The following WDR27 variants were observed in gnomAD, a reference collection of about 807,000 sequenced individuals.
The protein encoded by WDR27 is WD repeat-containing protein 27.
Under a neutral mutation model 114.4 loss-of-function variants are expected in WDR27, and 100 were observed. That is an observed-to-expected ratio of 0.87 (90% confidence interval 0.74 to 1.03). The LOEUF is 1.03. WDR27 is among the 50% of genes least tolerant of loss of function. The pLI is 0.00. For missense variants in WDR27, 1,129 were observed against 1,092.9 expected (o/e 1.03, Z -0.47); for synonymous variants, 449 against 423.1 (o/e 1.06, Z -0.75).
chr6:169,536,264 T>A (rs943531837), intron 25 of WDR27, among the ~76,000 whole-genome samples: 4 of 152,150 alleles, frequency 2.6e-5, no homozygotes, highest in African/African-American at 9.7e-5. Context: ...AAGGACCACA[T>A]CTGATATGAG....
chr6:169,577,173 C>T (rs1388953838), intron 24 of WDR27, among the ~76,000 whole-genome samples: 1 of 152,030 alleles, frequency 6.6e-6, no homozygotes, highest in Non-Finnish European at 1.5e-5. Flanking sequence ...AAAGACGCAC[C>T]AACTCGCCGG....
At chr6:169,520,482 G>T (rs891090113) in intron 25 of WDR27, among the ~76,000 whole-genome samples, 2 of 151,894 alleles carry the variant, frequency 1.3e-5, no homozygotes, top group African/African-American at 4.8e-5. Context: ...TCAATACAAA[G>T]ACACAGATGT....
At chr6:169,546,530 G>A (rs971965528) in intron 25 of WDR27, among the ~76,000 whole-genome samples, 4 of 152,128 alleles carry the variant, frequency 2.6e-5, no homozygotes, top group African/African-American at 9.7e-5. Flanking sequence ...CCTCAGACTT[G>A]CCTGGCCGCA....
chr6:169,531,096 T>C (rs1795539205), intron 25 of WDR27, among the ~76,000 whole-genome samples: 2 of 152,244 alleles, frequency 1.3e-5, no homozygotes, highest in South Asian at 4.1e-4. Flanking sequence ...CCTGTTCACC[T>C]GTTTTCATGG....
chr6:169,634,908 C>T (rs1256787271), intron 19 of WDR27, among the ~76,000 whole-genome samples: 1 of 152,176 alleles, frequency 6.6e-6, no homozygotes, highest in African/African-American at 2.4e-5. Flanking sequence ...CGAAACCCAA[C>T]TGAAGTGCCT....
intron 21 of WDR27, among the ~76,000 whole-genome samples, chr6:169,616,810 A>G (rs1412833730): frequency 1.3e-5 from 2 of 152,238 alleles, no homozygotes; most frequent in African/African-American, 4.8e-5. Context: ...ACACAATGCC[A>G]TAAAATTAGA....
At chr6:169,601,362 T>G (rs192508928) in intron 23 of WDR27, among the ~76,000 whole-genome samples, 1 of 152,324 alleles carries the variant, frequency 6.6e-6, no homozygotes, top group East Asian at 1.9e-4. Context: ...ATCAGATTCA[T>G]CAAATGAATC....
chr6:169,553,006 GTGTGTGTGTGTGTGTGTGTGTA>G (rs1363380256), intron 25 of WDR27, among the ~76,000 whole-genome samples: 5 of 122,252 alleles, frequency 4.1e-5, no homozygotes, highest in Admixed American at 8.2e-5. Flanking sequence ...GTGTGTGTGT[GTGTGTGTGTGTGTGTGTGTGTA>G]TGCAGGGAGG....
At chr6:169,626,875 C>T (rs1010183757) in intron 21 of WDR27, among the ~76,000 whole-genome samples, 9 of 152,208 alleles carry the variant, frequency 5.9e-5, no homozygotes, top group Non-Finnish European at 8.8e-5. Flanking sequence ...GAGGATGCCC[C>T]GCTGTGGACG....
chr6:169,598,755 T>C (rs1347735230), intron 23 of WDR27, among the ~76,000 whole-genome samples: 1 of 152,202 alleles, frequency 6.6e-6, no homozygotes, highest in African/African-American at 2.4e-5. Context: ...GGTTCCTCCC[T>C]TGGACCCTGC....
chr6:169,456,218 T>G (rs1338466074), downstream of WDR27, among the ~76,000 whole-genome samples: 1 of 152,200 alleles, frequency 6.6e-6, no homozygotes, highest in African/African-American at 2.4e-5. The surrounding 1 kb of genome is among the most constrained non-coding windows in gnomAD (Gnocchi z 4.0). Flanking sequence ...TCTAAACTTT[T>G]GCTTCTCAAA....
At chr6:169,599,081 G>A (rs1280263893) in intron 23 of WDR27, among the ~76,000 whole-genome samples, 1 of 151,970 alleles carries the variant, frequency 6.6e-6, no homozygotes, top group Non-Finnish European at 1.5e-5. Flanking sequence ...TTGGTGTGCT[G>A]CACCCATTAA....
rs541024080 is a variant in WDR27 at position 169,680,223 on chromosome 6, A to G, written c.190-7827T>C. Among the ~76,000 whole-genome samples the G allele has an allele frequency of 7.2e-4, 109 of 152,358 alleles. 1 individual carries two copies. The Middle Eastern group carries it at 0.044, about 62-fold the overall frequency. ...TGTACACAAAGGAATGAAGAGCACC[A>G]AAAATATAATTACGTGGGTAGATGT... is the stretch of plus-strand genomic sequence containing the variant. On this transcript the variant is annotated intron_variant, in intron 2 of 25. Transcript: ENST00000448612.
At chr6:169,444,661 GTTTT>G in the WDR27 span, among the ~76,000 whole-genome samples, 8 of 146,118 alleles carry the variant, frequency 5.5e-5, no homozygotes, top group East Asian at 2.0e-4. Context: ...ATGGTGGACT[GTTTT>G]TTTGTTTTTT....
At chr6:169,477,694 C>T (rs1299193098) in intron 25 of WDR27, among the ~76,000 whole-genome samples, 1 of 152,182 alleles carries the variant, frequency 6.6e-6, no homozygotes, top group Non-Finnish European at 1.5e-5. Context: ...CCACCTTGGC[C>T]TCACTATGGG....
At chr6:169,577,413 T>TA (rs1239610115) in intron 24 of WDR27, among the ~76,000 whole-genome samples, 3 of 151,606 alleles carry the variant, frequency 2.0e-5, no homozygotes, top group Non-Finnish European at 3.0e-5. Context: ...GAAAGGGGAC[T>TA]TGGCGGGTAT....
chr6:169,507,245 T>C (rs928799010), intron 25 of WDR27, among the ~76,000 whole-genome samples: 1 of 152,216 alleles, frequency 6.6e-6, no homozygotes, highest in African/African-American at 2.4e-5. Flanking sequence ...CCCCCTTTCC[T>C]GTCCTTTTTG....
chr6:169,644,809 A>C lies in WDR27; in HGVS notation c.1658-1023T>G, dbSNP rs1480537593. On this transcript the variant is annotated intron_variant, in intron 16 of 25. Transcript: ENST00000448612. ...CGGATCACGAGGTCAGGAGATCGAGACCATCCCGGCTAAAACGGTGAAACC... is the reference window on the plus strand; with the variant it reads ...CGGATCACGAGGTCAGGAGATCGAGCCCATCCCGGCTAAAACGGTGAAACC... Among the ~76,000 whole-genome samples the C allele has an allele frequency of 1.1e-4, 8 of 70,402 alleles. 3 individuals are homozygous for C. Among genetic ancestry groups the C allele is most frequent in the African/African-American group, 1.7e-4 (2 of 11,664 alleles). 46.2% of individuals were successfully genotyped at this position (70,402 alleles called of 152,430 possible).
chr6:169,552,973 G>GGGGGGGT (rs1472592601), intron 25 of WDR27, among the ~76,000 whole-genome samples: 1 of 61,792 alleles, frequency 1.6e-5, no homozygotes, highest in African/African-American at 6.5e-5. Flanking sequence ...GGGCCTGCCC[G>GGGGGGGT]GTGTGTGTGT....
Sources: allele counts gnomAD v4.1 joint callset (sites outside exome capture counted in the v4.1 genomes callset), GRCh38; gene constraint gnomAD v4.1.1; non-coding constraint Gnocchi (gnomAD v3.1); transcripts MANE v1.5; gene names NCBI Gene and HGNC (gene_info 2026-07-23, HGNC 2026-07-21).